TEK: variants seen among roughly 807,000 people sequenced by gnomAD.
TEK encodes TEK receptor tyrosine kinase.
In TEK, 43 loss-of-function variants were observed where a neutral mutation model predicts 131.8. That is an observed-to-expected ratio of 0.33 (90% CI 0.26 to 0.42). The LOEUF (loss-of-function observed/expected upper bound fraction) is 0.42, where lower values mean the gene tolerates loss of function less well. Among genes scored for constraint, TEK ranks in the 10% least tolerant of loss-of-function variants. The probability of loss-of-function intolerance (pLI) is 1.00; values close to 1 mark genes in which losing one functional copy is unlikely to be tolerated. For synonymous variants in TEK, 580 were observed against 491.6 expected, an observed-to-expected ratio of 1.18 and a Z score of -2.38; for missense variants, 1,162 against 1,384.4, an observed-to-expected ratio of 0.84 and a Z score of 2.55.
intron 1 of TEK, among the ~76,000 whole-genome samples, chr9:27,126,311 G>T (rs571880401): frequency 6.6e-6 from 1 of 152,234 alleles, no homozygotes; most frequent in South Asian, 2.1e-4. Context: ...TTCAGCACTA[G>T]ACTTGGGACC....
At chr9:27,156,008 G>C (rs1587528707) in intron 1 of TEK, among the ~76,000 whole-genome samples, 1 of 152,158 alleles carries the variant, frequency 6.6e-6, no homozygotes, top group Middle Eastern at 3.4e-3. Context: ...TCACCATGTT[G>C]ACCAGGCTGG....
chr9:27,132,281 T>C (rs1822257584), intron 1 of TEK, among the ~76,000 whole-genome samples: 1 of 151,964 alleles, frequency 6.6e-6, no homozygotes, highest in Non-Finnish European at 1.5e-5. Flanking sequence ...AGAGACGGGG[T>C]TTCACCATGT....
rs768154983 is a variant in TEK at position 27,206,640 on chromosome 9, A to G, written c.2423A>G (p.Lys808Arg). The G allele has an allele frequency of 4.5e-5, 72 of 1,613,996 alleles. No individual in the cohort carries two copies. The highest frequency in any genetic ancestry group is 5.6e-5 in the Non-Finnish European group (66 of 1,180,006). The change falls in exon 15 of 23, where the codon AAA becomes AGA. Residue 808 changes from lysine to arginine, a missense_variant. Coordinates refer to ENST00000380036, the MANE Select transcript of TEK (RefSeq NM_000459.5). ...SGTLALNRKVKNNPDPTIYPV... is the reference protein window; with the variant it reads ...SGTLALNRKVRNNPDPTIYPV... The stretch of plus-strand genomic sequence containing the variant: ...ACTCTGGCCCTAAACAGGAAGGTCA[A>G]AAACAACCCAGATCCTACAATTTAT...
At chr9:27,109,818 C>G (rs2066160355) in intron 1 of TEK, among the ~76,000 whole-genome samples, 176 bp downstream of exon 1, 1 of 150,984 alleles carries the variant, frequency 6.6e-6, no homozygotes, top group Non-Finnish European at 1.5e-5. Context: ...TGCAAAGGCT[C>G]TGTGGCATGA....
At chr9:27,197,236 G>A (rs2131196782) in intron 11 of TEK, 79 bp from the exon 12 acceptor site, 2 of 1,491,412 alleles carry the variant, frequency 1.3e-6, no homozygotes, top group Non-Finnish European at 1.9e-6. Context: ...TTACATTTCA[G>A]TATGAGATTT....
Position 27,228,190 on chromosome 9 carries a change from T to C in TEK, c.3201-16T>C, listed in dbSNP as rs1187758800. The C allele has an allele frequency of 1.2e-6, 2 of 1,604,594 alleles. No individual in the cohort carries two copies. The highest frequency in any genetic ancestry group is 3.3e-5 in the Admixed American group (2 of 59,890). On this transcript the variant is annotated splice_polypyrimidine_tract_variant and intron_variant, in intron 21 of 22. Coordinates refer to ENST00000380036, the MANE Select transcript of TEK (RefSeq NM_000459.5). ...CACAGTTATAGAATTAACCCTTTAA[T>C]TCTTTGCTTTCGAAGGTATGATCTA...
At chr9:27,217,282 A>C (rs191322416) in intron 18 of TEK, among the ~76,000 whole-genome samples, 670 of 152,228 alleles carry the variant, frequency 4.4e-3, no homozygotes, top group African/African-American at 0.015. Context: ...CATCATCTCC[A>C]GGCGTAGTTG....
At chr9:27,182,751 C>T (rs1186089601) in intron 7 of TEK, among the ~76,000 whole-genome samples, 2 of 152,330 alleles carry the variant, frequency 1.3e-5, no homozygotes, top group Admixed American at 1.3e-4. Context: ...TATTCATTCT[C>T]TACTGTGTAG....
intron 7 of TEK, among the ~76,000 whole-genome samples, chr9:27,181,501 C>T (rs1452891544): frequency 1.3e-5 from 2 of 152,152 alleles, no homozygotes; most frequent in East Asian, 1.9e-4. Flanking sequence ...TTGTATAATA[C>T]GTCGTCATTT....
At chr9:27,228,451 G>C (rs111567533) in intron 22 of TEK, 146 bp downstream of exon 22, 3 of 680,820 alleles carry the variant, frequency 4.4e-6, no homozygotes, top group Non-Finnish European at 5.1e-6. Context: ...CTCCACCCCC[G>C]CGACTTTGAA....
At chr9:27,136,765 CT>C (rs994672283) in intron 1 of TEK, among the ~76,000 whole-genome samples, 2 of 151,416 alleles carry the variant, frequency 1.3e-5, no homozygotes, top group Non-Finnish European at 2.9e-5. Context: ...CTTGGCCATT[CT>C]TTTTTTTTCT....
chr9:27,168,593 A>C lies in TEK; in HGVS notation c.463A>C (p.Ile155Leu). 6.2e-7 allele frequency: 1 copy of C among 1,608,990 alleles called. No homozygotes were observed. Among genetic ancestry groups the C allele is most frequent in the Non-Finnish European group, 8.5e-7 (1 of 1,175,584 alleles). ...ATTGATTAAAGAAGAAGATGCAGTGATTTACAAAAATGGTGAGTATGTGTT... is the reference window on the plus strand; with the variant it reads ...ATTGATTAAAGAAGAAGATGCAGTGCTTTACAAAAATGGTGAGTATGTGTT... ...KVLIKEEDAV[I>L]YKNGSFIHSV... The change falls in exon 3 of 23, where the codon ATT becomes CTT. Residue 155 changes from isoleucine to leucine, a missense_variant. Around this residue, in one of 6 missense-constraint regions of TEK, gnomAD observed 436 missense variants for 539.1 expected, o/e 0.81. Coordinates refer to ENST00000380036, the MANE Select transcript of TEK (RefSeq NM_000459.5).
Position 27,109,476 on chromosome 9 carries a change from AAAC to A in TEK, c.-112_-110del. 1 of 1,069,642 alleles carries A rather than the reference AAAC, an allele frequency of 9.3e-7. No homozygotes were observed. Among genetic ancestry groups the A allele is most frequent in the Non-Finnish European group, 1.5e-6 (1 of 684,868 alleles). 66.3% of individuals were successfully genotyped at this position (1,069,642 alleles called of 1,614,324 possible). On this transcript the variant is annotated 5_prime_UTR_variant, in exon 1 of 23. Coordinates refer to ENST00000380036, the MANE Select transcript of TEK (RefSeq NM_000459.5). ...CTGTTCCTTCTTGCCTCTAACTTGTAAACAAGACGTAGTAGGACGATGCTAATG... is the reference window on the plus strand; with the variant it reads ...CTGTTCCTTCTTGCCTCTAACTTGTAAAGACGTAGTAGGACGATGCTAATG...
Position 27,190,667 on chromosome 9 carries a change from A to G in TEK, c.1466A>G (p.Tyr489Cys). The G allele has an allele frequency of 6.2e-7, 1 of 1,613,980 alleles. No individual in the cohort carries two copies. Among genetic ancestry groups the G allele is most frequent in the Non-Finnish European group, 8.5e-7 (1 of 1,179,878 alleles). The change falls in exon 10 of 23, where the codon TAT becomes TGT. Residue 489 changes from tyrosine (Y) to cysteine (C), a missense_variant. Transcript: ENST00000380036. ...KKLLYKPVNH[Y>C]EAWQHIQVTN... Reference sequence around the variant, plus strand: ...CTTCTATACAAACCCGTTAATCACTATGAGGCTTGGCAACATATTCAAGGT... The same window carrying G: ...CTTCTATACAAACCCGTTAATCACTGTGAGGCTTGGCAACATATTCAAGGT...
intron 1 of TEK, among the ~76,000 whole-genome samples, chr9:27,112,774 G>A (rs1481566549): frequency 1.3e-5 from 2 of 152,130 alleles, no homozygotes; most frequent in Admixed American, 6.6e-5. Context: ...CTGGAAGGGT[G>A]GAAAACCAAA....
At chr9:27,165,858 T>C (rs905019500) in intron 2 of TEK, among the ~76,000 whole-genome samples, 1 of 152,222 alleles carries the variant, frequency 6.6e-6, no homozygotes, top group Non-Finnish European at 1.5e-5. Context: ...CAGGGGAGTC[T>C]GTGCAAGGCA....
intron 2 of TEK, among the ~76,000 whole-genome samples, chr9:27,162,507 C>T (rs1823581954): frequency 6.6e-6 from 1 of 152,126 alleles, no homozygotes; most frequent in Non-Finnish European, 1.5e-5. Flanking sequence ...CAAACTGATC[C>T]ATTAGAAGAA....
chr9:27,145,925 CTA>C (rs1173931768), intron 1 of TEK, among the ~76,000 whole-genome samples: 1 of 152,146 alleles, frequency 6.6e-6, no homozygotes, highest in Non-Finnish European at 1.5e-5. Context: ...AAATACAAAA[CTA>C]AGCATGCAAA....
rs1279117757 is a variant in TEK, at chr9:27,190,563, T to C, written c.1362T>C (p.Ile454=). The C allele has an allele frequency of 1.2e-6, 2 of 1,614,052 alleles. No homozygotes were observed. Among genetic ancestry groups the C allele is most frequent in the South Asian group, 1.1e-5 (1 of 91,080 alleles). The change falls in exon 10 of 23, where the codon ATT becomes ATC. Residue 454 remains isoleucine, a synonymous_variant. Transcript: ENST00000380036. ...AGCCCCTGAATGCCCCAAACGTGAT[T>C]GACACTGGACATAACTTTGCTGTCA... ...LPKPLNAPNV[I]DTGHNFAVIN... is the part of the protein sequence containing the mutation.
Sources: allele counts gnomAD v4.1 joint callset (sites outside exome capture counted in the v4.1 genomes callset), GRCh38; gene constraint gnomAD v4.1.1; regional missense constraint gnomAD v4.1.1; transcripts MANE v1.5; gene names NCBI Gene and HGNC (gene_info 2026-07-23, HGNC 2026-07-21).